The following ZNF804B variants were observed in gnomAD, a reference collection of about 807,000 sequenced individuals.
ZNF804B encodes the protein zinc finger protein 804B.
Under a neutral mutation model 101.4 loss-of-function variants are expected in ZNF804B, and 80 were observed. The observed-to-expected ratio is 0.79, with a 90% CI of 0.66 to 0.95. ZNF804B has a LOEUF of 0.95. Among genes scored for constraint, ZNF804B ranks in the 40% least tolerant of loss-of-function variants. The pLI, the probability that ZNF804B is intolerant of heterozygous loss-of-function variation, is 0.00. For synonymous variants in ZNF804B, 622 were observed against 558.8 expected (o/e 1.11, Z -1.59); for missense variants, 1,673 against 1,561.9 (o/e 1.07, Z -1.20).
At chr7:88,808,935 C>T (rs1410749035) in intron 1 of ZNF804B, among the ~76,000 whole-genome samples, 2 of 152,092 alleles carry the variant, frequency 1.3e-5, no homozygotes, top group East Asian at 3.9e-4. Flanking sequence ...GGTTGAAATC[C>T]CAGATCAATA....
At chr7:88,878,708 G>A (rs1791987657) in intron 1 of ZNF804B, among the ~76,000 whole-genome samples, 1 of 152,106 alleles carries the variant, frequency 6.6e-6, no homozygotes, top group South Asian at 2.1e-4. Flanking sequence ...CTTTTATGCT[G>A]AAGGCTGCTT....
At chr7:89,305,474 C>A (rs955477473) in intron 2 of ZNF804B, among the ~76,000 whole-genome samples, 5 of 151,952 alleles carry the variant, frequency 3.3e-5, no homozygotes, top group African/African-American at 1.2e-4. Flanking sequence ...TAGGTAGTGT[C>A]TCTGTCATAG....
intron 1 of ZNF804B, among the ~76,000 whole-genome samples, chr7:88,965,696 C>G (rs1162650998): frequency 2.0e-5 from 3 of 151,480 alleles, no homozygotes; most frequent in Non-Finnish European, 4.4e-5. Flanking sequence ...TTTGTCCTTA[C>G]AAGCCATTGT....
At chr7:89,277,477 C>A (rs1467056262) in intron 2 of ZNF804B, among the ~76,000 whole-genome samples, 1 of 11,338 alleles carries the variant, frequency 8.8e-5, no homozygotes, top group Non-Finnish European at 2.5e-4. Flanking sequence ...ATCCCTCCCC[C>A]CTCCCCCCTC....
chr7:89,090,011 A>G (rs1232945240), intron 1 of ZNF804B, among the ~76,000 whole-genome samples: 1 of 152,150 alleles, frequency 6.6e-6, no homozygotes, highest in East Asian at 1.9e-4. Context: ...ATTTACGGAC[A>G]GTAAAATAAA....
intron 1 of ZNF804B, among the ~76,000 whole-genome samples, chr7:88,896,087 G>A (rs1355206742): frequency 6.6e-6 from 1 of 152,122 alleles, no homozygotes; most frequent in Non-Finnish European, 1.5e-5. Context: ...CCTTAGGCAG[G>A]TGATTAGTGA....
chr7:89,082,807 G>A (rs377470782), intron 1 of ZNF804B, among the ~76,000 whole-genome samples: 8 of 151,730 alleles, frequency 5.3e-5, no homozygotes, highest in South Asian at 4.1e-4. Context: ...CATGTGTAGC[G>A]ATCTAAATAA....
intron 1 of ZNF804B, among the ~76,000 whole-genome samples, chr7:89,138,967 C>T (rs541978559): frequency 1.4e-4 from 22 of 151,946 alleles, no homozygotes; most frequent in East Asian, 3.9e-4. Context: ...TTATTAGCAG[C>T]GTGAAAGTGG....
chr7:89,206,766 A>G (rs1474294137), intron 1 of ZNF804B, among the ~76,000 whole-genome samples: 2 of 152,142 alleles, frequency 1.3e-5, no homozygotes, highest in African/African-American at 4.8e-5. Context: ...AAACAAAACA[A>G]AAAACAAACA....
intron 1 of ZNF804B, among the ~76,000 whole-genome samples, chr7:89,081,363 C>T (rs1562879226): frequency 6.6e-6 from 1 of 151,796 alleles, no homozygotes. Flanking sequence ...ACCCTGCCCC[C>T]CAACCAGGTG....
intron 1 of ZNF804B, among the ~76,000 whole-genome samples, chr7:88,837,913 T>C (rs1791238974): frequency 6.6e-6 from 1 of 151,782 alleles, no homozygotes; most frequent in Admixed American, 6.6e-5. Context: ...ATATTTACTT[T>C]CTACTAAAAT....
chr7:89,263,003 T>C (rs553725351), intron 2 of ZNF804B, among the ~76,000 whole-genome samples: 25 of 152,332 alleles, frequency 1.6e-4, no homozygotes, highest in Non-Finnish European at 3.4e-4. Context: ...CTATCTCCTC[T>C]TTTCATTCAG....
At chr7:89,017,559 A>G (rs1396697493) in intron 1 of ZNF804B, among the ~76,000 whole-genome samples, 2 of 152,214 alleles carry the variant, frequency 1.3e-5, no homozygotes, top group East Asian at 1.9e-4. Context: ...TGTGAAGAAT[A>G]TCATTGGTAT....
intron 2 of ZNF804B, among the ~76,000 whole-genome samples, chr7:89,240,532 C>T (rs1401799723): frequency 2.6e-5 from 4 of 151,906 alleles, no homozygotes; most frequent in African/African-American, 4.8e-5. Flanking sequence ...CCTAAATAAC[C>T]TCTACTATTT....
chr7:89,121,112 G>T (rs1193669686), intron 1 of ZNF804B, among the ~76,000 whole-genome samples: 2 of 152,170 alleles, frequency 1.3e-5, no homozygotes, highest in African/African-American at 2.4e-5. Context: ...TTCCCCACCT[G>T]TGTCACACCC....
rs1475166567 is a variant in ZNF804B, at chr7:89,145,661, A to G, written c.109-72494A>G. On this transcript the variant is annotated intron_variant, in intron 1 of 3. Transcript: ENST00000333190. ...AACTTATAATCAATTTAATACATTC[A>G]TTGACTAATTCCACAAACATATACT... 2.6e-5 allele frequency among the ~76,000 whole-genome samples: 4 copies of G among 152,168 alleles called. No homozygotes were observed. The East Asian group carries it at 7.8e-4, about 30-fold the overall frequency.
At chr7:88,792,537 T>A (rs1364690318) in intron 1 of ZNF804B, among the ~76,000 whole-genome samples, 1 of 152,142 alleles carries the variant, frequency 6.6e-6, no homozygotes, top group Non-Finnish European at 1.5e-5. Flanking sequence ...GACCAAGGAT[T>A]GTATCTTTGT....
chr7:89,265,759 T>G (rs1423190265), intron 2 of ZNF804B, among the ~76,000 whole-genome samples: 1 of 152,234 alleles, frequency 6.6e-6, no homozygotes, highest in African/African-American at 2.4e-5. Flanking sequence ...AGAATGGTAG[T>G]AACAGCAGTA....
intron 1 of ZNF804B, among the ~76,000 whole-genome samples, chr7:88,800,666 G>C (rs1240201456): frequency 1.3e-5 from 2 of 150,752 alleles, no homozygotes; most frequent in African/African-American, 2.4e-5. Context: ...GAGCATTTAA[G>C]CTGGGAATTA....
Sources: allele counts gnomAD v4.1 joint callset (sites outside exome capture counted in the v4.1 genomes callset), GRCh38; gene constraint gnomAD v4.1.1; transcripts MANE v1.5; gene names NCBI Gene and HGNC (gene_info 2026-07-23, HGNC 2026-07-21).